The following CDKL2 variants were observed in gnomAD, a reference collection of about 807,000 sequenced individuals.
CDKL2 encodes cyclin-dependent kinase-like 2.
Under a neutral mutation model 63.9 loss-of-function variants are expected in CDKL2, and 64 were observed. That is an observed-to-expected ratio of 1.00 (90% CI 0.82 to 1.23). The LOEUF is 1.23. CDKL2 is among the 50% of genes most tolerant of loss of function. The probability of loss-of-function intolerance (pLI) is 0.00; values close to 1 mark genes in which losing one functional copy is unlikely to be tolerated. For synonymous variants in CDKL2, 211 were observed against 229.2 expected, an observed-to-expected ratio of 0.92 and a Z score of 0.72; for missense variants, 656 against 668.0, an observed-to-expected ratio of 0.98 and a Z score of 0.20.
chr4:75,607,937 C>G (rs1051882018), intron 3 of CDKL2, among the ~76,000 whole-genome samples: 2 of 151,880 alleles, frequency 1.3e-5, no homozygotes, highest in Non-Finnish European at 2.9e-5. Context: ...CTCAGCCTCC[C>G]GAGTAGGTGG....
intron 2 of CDKL2, among the ~76,000 whole-genome samples, chr4:75,618,784 A>G (rs78141344): frequency 3.7e-4 from 57 of 152,272 alleles, no homozygotes; most frequent in Non-Finnish European, 4.4e-4. Flanking sequence ...AAAGCCTTCT[A>G]AAGGTGGGAT....
In CDKL2 at chr4:75,579,019, T is replaced by C. The variant is rs1338614198; in HGVS notation, c.*183A>G. 6.6e-6 allele frequency: 1 copy of C among 152,636 alleles called. No individual in the cohort carries two copies. Among genetic ancestry groups the C allele is most frequent in the Non-Finnish European group, 1.5e-5 (1 of 68,024 alleles). 9.5% of individuals were successfully genotyped at this position (152,636 alleles called of 1,614,324 possible). A position where few individuals can be genotyped will look rare whatever the true frequency, so the allele number is the denominator to read the frequency against. On this transcript the variant is annotated 3_prime_UTR_variant, in exon 14 of 14. Coordinates refer to ENST00000307465, the MANE Select transcript of CDKL2 (RefSeq NM_001330724.2). ...GGGAGGGCCATTTGTTCAATCTTCC[T>C]TTGAAACATTTGGAAGTCTTTGTCT...
At chr4:75,624,276 G>A (rs1730300034) in intron 2 of CDKL2, among the ~76,000 whole-genome samples, 1 of 152,104 alleles carries the variant, frequency 6.6e-6, no homozygotes, top group Non-Finnish European at 1.5e-5. Context: ...TACTGGCCAG[G>A]TGTGGTGGCT....
intron 12 of CDKL2, among the ~76,000 whole-genome samples, chr4:75,585,888 C>T (rs1728457514): frequency 6.6e-6 from 1 of 152,088 alleles, no homozygotes; most frequent in African/African-American, 2.4e-5. Context: ...AAATTAAGAG[C>T]ATAGATGACC....
At chr4:75,604,036 G>A in intron 5 of CDKL2, 80 bp from the exon 6 acceptor site, 1 of 1,317,658 alleles carries the variant, frequency 7.6e-7, no homozygotes, top group East Asian at 2.3e-5. Flanking sequence ...GTGAAGTAGA[G>A]GAAATAGTGG....
intron 3 of CDKL2, among the ~76,000 whole-genome samples, chr4:75,613,038 T>C (rs1429055607): frequency 6.6e-6 from 1 of 150,886 alleles, no homozygotes; most frequent in Admixed American, 6.6e-5. Context: ...GGCCGGAGAA[T>C]GGCGTGAGCC....
chr4:75,604,579 G>C (rs2148887596), intron 5 of CDKL2, among the ~76,000 whole-genome samples: 1 of 152,258 alleles, frequency 6.6e-6, no homozygotes, highest in African/African-American at 2.4e-5. Context: ...GTCCAGCTTT[G>C]AAATTCTGTC....
chr4:75,584,608 A>C (rs1728392970), intron 12 of CDKL2, among the ~76,000 whole-genome samples: 1 of 152,172 alleles, frequency 6.6e-6, no homozygotes. Flanking sequence ...GATATGTTCC[A>C]AGGCCCCCAG....
At chr4:75,606,180 AG>A (rs1351948292) in intron 4 of CDKL2, among the ~76,000 whole-genome samples, 1 of 151,846 alleles carries the variant, frequency 6.6e-6, no homozygotes, top group Non-Finnish European at 1.5e-5. Flanking sequence ...GGATAAATAC[AG>A]TAACAATGAA....
chr4:75,600,535 C>A (rs909691932), intron 6 of CDKL2, among the ~76,000 whole-genome samples, 166 bp from the exon 7 acceptor site: 1 of 151,942 alleles, frequency 6.6e-6, no homozygotes, highest in Non-Finnish European at 1.5e-5. Flanking sequence ...ACTACTTAAC[C>A]GCAGCCTTGA....
At chr4:75,590,651 G>C (rs754438709) in intron 12 of CDKL2, among the ~76,000 whole-genome samples, 1 of 152,118 alleles carries the variant, frequency 6.6e-6, no homozygotes, top group Non-Finnish European at 1.5e-5. Flanking sequence ...GGAGGCAAAG[G>C]TTGCAGTGAG....
At chr4:75,613,056 C>T (rs1729774479) in intron 3 of CDKL2, among the ~76,000 whole-genome samples, 1 of 150,492 alleles carries the variant, frequency 6.6e-6, no homozygotes, top group Non-Finnish European at 1.5e-5. Context: ...GCCTGGGAGG[C>T]GGAGCTTGCC....
At chr4:75,586,827 G>A (rs1459860347) in intron 12 of CDKL2, among the ~76,000 whole-genome samples, 1 of 152,102 alleles carries the variant, frequency 6.6e-6, no homozygotes, top group East Asian at 1.9e-4. Context: ...GCAGTGCTTA[G>A]AGGAAAATGT....
chr4:75,588,032 T>C (rs1476920640), intron 12 of CDKL2, among the ~76,000 whole-genome samples: 1 of 151,336 alleles, frequency 6.6e-6, no homozygotes, highest in Non-Finnish European at 1.5e-5. Flanking sequence ...CTGACCAACA[T>C]GGAGAAACAC....
chr4:75,600,169 A>C (rs1160096249), intron 7 of CDKL2, 112 bp downstream of exon 7: 1 of 664,950 alleles, frequency 1.5e-6, no homozygotes, highest in African/African-American at 1.8e-5. Flanking sequence ...TAGATATCTG[A>C]GATCCTGCAA....
Position 75,602,423 on chromosome 4 carries a change from G to A in CDKL2, c.795+1394C>T, listed in dbSNP as rs575883625. Among the ~76,000 whole-genome samples the A allele has an allele frequency of 4.3e-4, 65 of 151,980 alleles. No homozygotes were observed. In the Middle Eastern group the frequency reaches 0.017, roughly 40 times the overall value. On this transcript the variant is annotated intron_variant, in intron 6 of 13. Coordinates refer to ENST00000307465, the MANE Select transcript of CDKL2 (RefSeq NM_001330724.2). ...TTGAACTCCTGACCTCATGATCCAC[G>A]TGCCTCGGCCGCCCAAACTGCTGGG... is the stretch of plus-strand genomic sequence containing the variant.
intron 1 of CDKL2, among the ~76,000 whole-genome samples, chr4:75,626,410 T>G (rs1475267788): frequency 6.6e-6 from 1 of 152,234 alleles, no homozygotes; most frequent in Non-Finnish European, 1.5e-5. Flanking sequence ...CTCACGCCTG[T>G]AATCCCAACA....
intron 2 of CDKL2, among the ~76,000 whole-genome samples, chr4:75,618,239 CTTTT>C (rs56002333): frequency 3.8e-5 from 2 of 52,946 alleles, no homozygotes; most frequent in African/African-American, 7.8e-5. Flanking sequence ...ATTGAAAATT[CTTTT>C]TTTTTTTTTT....
At chr4:75,611,649 C>G (rs1729699380) in intron 3 of CDKL2, among the ~76,000 whole-genome samples, 1 of 150,766 alleles carries the variant, frequency 6.6e-6, no homozygotes. Context: ...TAGCAGGGAA[C>G]CACCTTTTTT....
Sources: allele counts gnomAD v4.1 joint callset (sites outside exome capture counted in the v4.1 genomes callset), GRCh38; gene constraint gnomAD v4.1.1; transcripts MANE v1.5; gene names NCBI Gene and HGNC (gene_info 2026-07-23, HGNC 2026-07-21).